IRAG1: variants seen among roughly 807,000 people sequenced by gnomAD.
The protein encoded by IRAG1 is IP3R-associated cGMP kinase substrate.
In IRAG1, 62 loss-of-function variants were observed where a neutral mutation model predicts 106.2. That is an observed-to-expected ratio of 0.58 (90% confidence interval 0.48 to 0.72). IRAG1 has a LOEUF of 0.72. Among genes scored for constraint, IRAG1 ranks in the 30% least tolerant of loss-of-function variants. IRAG1 has a pLI of 0.00. For synonymous variants in IRAG1, 462 were observed against 443.9 expected (o/e 1.04, Z -0.51); for missense variants, 1,064 against 1,140.7 (o/e 0.93, Z 0.97).
intron 9 of IRAG1, among the ~76,000 whole-genome samples, chr11:10,625,432 G>C (rs117092135): frequency 1.7e-3 from 257 of 152,334 alleles, no homozygotes; most frequent in Non-Finnish European, 2.8e-3. Flanking sequence ...CAGAAGCTGA[G>C]GGGACACCAT....
chr11:10,681,087 C>T (rs569178758), intron 1 of IRAG1, among the ~76,000 whole-genome samples: 4 of 152,208 alleles, frequency 2.6e-5, no homozygotes, highest in East Asian at 1.9e-4. Flanking sequence ...AGGGAGTGCC[C>T]GACACCTCCT....
At position 10,685,846 on chromosome 11, in the gene IRAG1, C is replaced by T. The variant is rs551937973; in HGVS notation, c.67+7690G>A. 1.2e-4 allele frequency among the ~76,000 whole-genome samples: 18 copies of T among 152,220 alleles called. No homozygotes were observed. In the East Asian group the frequency reaches 3.5e-3, roughly 29 times the overall value. Reference sequence around the variant, plus strand: ...TCACTAACCAGGCTTAGGGATAGGTCCAGGACTCTAGAACATCCCCAAGGT... The same window carrying T: ...TCACTAACCAGGCTTAGGGATAGGTTCAGGACTCTAGAACATCCCCAAGGT... On this transcript the variant is annotated intron_variant, in intron 1 of 20. Transcript: ENST00000423302.
At chr11:10,688,670 C>A (rs534735888) in intron 1 of IRAG1, among the ~76,000 whole-genome samples, 1 of 152,292 alleles carries the variant, frequency 6.6e-6, no homozygotes, top group East Asian at 1.9e-4. Context: ...CCCCAACACC[C>A]TGCACTCACC....
Position 10,576,476 on chromosome 11 carries a change from C to T in IRAG1, c.2595G>A (p.Leu865=), listed in dbSNP as rs771851963. ...AATTGTAGAGCCCCAGCACAACAGT[C>T]AAGACCAGCATCACTGCAGCCATCA... ...IWMMAAVMLV[L]TVVLGLYNSY... is the part of the protein sequence containing the mutation. Residue 865 remains leucine (L), a synonymous_variant, in exon 21 of 21, where the codon TTG becomes TTA. Coordinates refer to ENST00000423302, the MANE Select transcript of IRAG1 (RefSeq NM_130385.4). The T allele has an allele frequency of 5.0e-6, 8 of 1,613,998 alleles. No homozygotes were observed. Among genetic ancestry groups the T allele is most frequent in the Middle Eastern group, 3.3e-4 (2 of 6,060 alleles).
At chr11:10,606,610 C>G (rs1032085043) in intron 12 of IRAG1, 132 bp downstream of exon 12, 1 of 885,338 alleles carries the variant, frequency 1.1e-6, no homozygotes, top group Non-Finnish European at 1.7e-6. Flanking sequence ...CATGAATGTT[C>G]ACATTACCCC....
intron 1 of IRAG1, among the ~76,000 whole-genome samples, chr11:10,670,664 T>A (rs1324425818): frequency 6.6e-6 from 1 of 152,180 alleles, no homozygotes; most frequent in African/African-American, 2.4e-5. Context: ...AATGTGACTG[T>A]ATTTGGAGAC....
At chr11:10,652,573 T>C (rs1223431297) in intron 1 of IRAG1, among the ~76,000 whole-genome samples, 1 of 152,190 alleles carries the variant, frequency 6.6e-6, no homozygotes, top group African/African-American at 2.4e-5. Context: ...CATCATCTGA[T>C]TGAATCCTCA....
intron 18 of IRAG1, among the ~76,000 whole-genome samples, chr11:10,582,672 A>G (rs949933595): frequency 5.3e-4 from 81 of 152,146 alleles, no homozygotes; most frequent in Non-Finnish European, 8.4e-4. Flanking sequence ...AGCAGAGGAG[A>G]GGGTTGGGTG....
intron 9 of IRAG1, among the ~76,000 whole-genome samples, chr11:10,625,120 C>T (rs978444195): frequency 6.6e-6 from 1 of 152,182 alleles, no homozygotes; most frequent in Non-Finnish European, 1.5e-5. Flanking sequence ...GGAATGTGTC[C>T]CTGCCAGCAC....
At chr11:10,644,791 C>T (rs1559653) in intron 2 of IRAG1, among the ~76,000 whole-genome samples, 150,796 of 152,300 alleles carry the variant, frequency 0.99, 74,660 homozygotes, top group East Asian at 1. Context: ...CTTTGGGTCA[C>T]ACACCTTTTC....
chr11:10,677,742 C>T (rs1375118396), intron 1 of IRAG1, among the ~76,000 whole-genome samples: 1 of 152,236 alleles, frequency 6.6e-6, no homozygotes, highest in South Asian at 2.1e-4. Context: ...TTTTCATCAT[C>T]CCAAATGGAA....
chr11:10,683,026 G>A (rs1861384821), intron 1 of IRAG1, among the ~76,000 whole-genome samples: 1 of 152,196 alleles, frequency 6.6e-6, no homozygotes, highest in Non-Finnish European at 1.5e-5. Context: ...AATGCAGGAT[G>A]ACTTGGTGGA....
intron 1 of IRAG1, among the ~76,000 whole-genome samples, chr11:10,683,620 C>T (rs1000621944): frequency 1.4e-4 from 21 of 152,184 alleles, no homozygotes; most frequent in Non-Finnish European, 2.9e-5. Flanking sequence ...GGCTCCTTTG[C>T]TTGCAGGCTG....
intron 9 of IRAG1, among the ~76,000 whole-genome samples, chr11:10,624,556 G>A (rs904381808): frequency 5.9e-5 from 9 of 152,148 alleles, no homozygotes; most frequent in Non-Finnish European, 1.0e-4. Context: ...TTGCCCCTGT[G>A]ACTTATGGAT....
intron 1 of IRAG1, among the ~76,000 whole-genome samples, chr11:10,667,635 A>G (rs1411303375): frequency 6.6e-6 from 1 of 152,196 alleles, no homozygotes; most frequent in Non-Finnish European, 1.5e-5. Flanking sequence ...TGGTTCTCCT[A>G]TGAAGTAATC....
chr11:10,639,245 A>G (rs1335888010), intron 2 of IRAG1, among the ~76,000 whole-genome samples: 1 of 152,166 alleles, frequency 6.6e-6, no homozygotes, highest in Non-Finnish European at 1.5e-5. Context: ...TCTTATTGAC[A>G]CTATCTACTT....
At chr11:10,588,995 C>T (rs746265399) in intron 18 of IRAG1, 12 of 152,156 alleles carry the variant, frequency 7.9e-5, no homozygotes, top group Admixed American at 7.9e-4. Context: ...ATATCACTCT[C>T]CACCCATATG....
intron 14 of IRAG1, among the ~76,000 whole-genome samples, chr11:10,602,860 T>C (rs1344580820): frequency 6.6e-6 from 1 of 152,156 alleles, no homozygotes. Context: ...GGCCAATGTG[T>C]TAGAAATTTC....
rs1857838925 is a variant in IRAG1 at position 10,645,113 on chromosome 11, A to G, written c.225+6912T>C. ...GCTTCCTGAGAGCAGGACCTTAGTT[A>G]GTTAATGCTCAATAAACATTTATTG... On this transcript the variant is annotated intron_variant, in intron 2 of 20. Transcript: ENST00000423302. 2.6e-5 allele frequency among the ~76,000 whole-genome samples: 4 copies of G among 152,172 alleles called. No individual in the cohort carries two copies. The South Asian group carries it at 8.3e-4, about 32-fold the overall frequency.
Sources: gnomAD v4.1 joint callset for allele counts (sites outside exome capture counted in the v4.1 genomes callset) on GRCh38, gnomAD v4.1.1 for gene constraint, MANE v1.5 for transcripts, NCBI Gene and HGNC (gene_info 2026-07-23, HGNC 2026-07-21) for gene names.